Variants in RAPGEF2 observed in about 807,000 individuals in gnomAD.
The protein encoded by RAPGEF2 is PDZ domain containing guanine nucleotide exchange factor (GEF) 1.
A neutral mutation model predicts 186.7 loss-of-function variants in RAPGEF2; 54 were observed. The ratio of observed to expected loss-of-function variants is 0.29; its 90% confidence interval spans 0.23 to 0.36. The LOEUF is 0.36. RAPGEF2 is among the 10% of genes least tolerant of loss of function. The probability of loss-of-function intolerance (pLI) is 1.00; values close to 1 mark genes in which losing one functional copy is unlikely to be tolerated. For synonymous variants in RAPGEF2, 712 were observed against 705.9 expected (o/e 1.01, Z -0.14); for missense variants, 1,532 against 2,045.0 (o/e 0.75, Z 4.84).
At chr4:159,324,653 G>A (rs1168452668) in intron 11 of RAPGEF2, among the ~76,000 whole-genome samples, 3 of 152,064 alleles carry the variant, frequency 2.0e-5, no homozygotes. Context: ...TGACTTGCTA[G>A]TTAAATAATA....
chr4:159,157,572 C>A (rs1317234037), intron 1 of RAPGEF2, among the ~76,000 whole-genome samples: 1 of 152,086 alleles, frequency 6.6e-6, no homozygotes. Flanking sequence ...ATAAGAATGG[C>A]TTTTTAAAAG....
chr4:159,338,925 T>C (rs532219371), intron 18 of RAPGEF2, among the ~76,000 whole-genome samples, 189 bp from the exon 19 acceptor site: 1 of 152,350 alleles, frequency 6.6e-6, no homozygotes, highest in South Asian at 2.1e-4. Context: ...TGTTATCTTT[T>C]AGGGAAAGGT....
intron 1 of RAPGEF2, among the ~76,000 whole-genome samples, chr4:159,168,122 C>A (rs1745519051): frequency 6.6e-6 from 1 of 152,130 alleles, no homozygotes; most frequent in Admixed American, 6.5e-5. Context: ...GGGGTTATTG[C>A]CAGAGTTGTT....
At position 159,225,411 on chromosome 4, in the gene RAPGEF2, T is replaced by G. The variant is rs1015759862; in HGVS notation, c.282-13398T>G. 3.3e-5 allele frequency among the ~76,000 whole-genome samples: 5 copies of G among 152,206 alleles called. No homozygotes were observed. The South Asian group carries it at 6.2e-4, about 19-fold the overall frequency. On this transcript the variant is annotated intron_variant, in intron 4 of 29. Transcript: ENST00000691494. The stretch of plus-strand genomic sequence containing the variant: ...CACAAAACATTAATTTGAAAATGAT[T>G]GAGTTGCTTTCATATTTTGGCTTCT...
chr4:159,348,902 G>A (rs1730783072), intron 25 of RAPGEF2, among the ~76,000 whole-genome samples: 1 of 152,170 alleles, frequency 6.6e-6, no homozygotes, highest in Non-Finnish European at 1.5e-5. Flanking sequence ...CACTACAGGT[G>A]TTCCCCCCAC....
intron 1 of RAPGEF2, among the ~76,000 whole-genome samples, chr4:159,107,190 A>T (rs961067494): frequency 2.0e-5 from 3 of 152,184 alleles, no homozygotes; most frequent in Non-Finnish European, 2.9e-5. Flanking sequence ...CCCTGAAAAC[A>T]TTCTACTGAT....
intron 1 of RAPGEF2, among the ~76,000 whole-genome samples, chr4:159,163,847 C>T (rs1386324852): frequency 6.6e-6 from 1 of 152,132 alleles, no homozygotes; most frequent in African/African-American, 2.4e-5. Context: ...AAAATCACAT[C>T]AGGGGTCTGT....
chr4:159,164,193 G>T (rs537132250), intron 1 of RAPGEF2, among the ~76,000 whole-genome samples: 1 of 151,552 alleles, frequency 6.6e-6, no homozygotes. Context: ...TTTAGTAGAG[G>T]CGGGGTTTCA....
chr4:159,222,946 G>C (rs1751677758), intron 4 of RAPGEF2, among the ~76,000 whole-genome samples: 2 of 151,306 alleles, frequency 1.3e-5, no homozygotes, highest in African/African-American at 4.8e-5. Flanking sequence ...TTGAAGACAA[G>C]AAAATCATAT....
chr4:159,343,456 A>T (rs776270161), intron 22 of RAPGEF2, 52 bp downstream of exon 22: 1 of 1,583,484 alleles, frequency 6.3e-7, no homozygotes, highest in Non-Finnish European at 8.6e-7. Context: ...GGTTAAATTT[A>T]GAGCTTCCCA....
chr4:159,233,408 C>G (rs1318471154), intron 4 of RAPGEF2, among the ~76,000 whole-genome samples: 1 of 152,176 alleles, frequency 6.6e-6, no homozygotes, highest in Admixed American at 6.5e-5. Flanking sequence ...GTTGAAGACT[C>G]TGTTCTTCTC....
chr4:159,290,801 T>A (rs1052225836), intron 7 of RAPGEF2, among the ~76,000 whole-genome samples: 1 of 152,128 alleles, frequency 6.6e-6, no homozygotes, highest in Non-Finnish European at 1.5e-5. Flanking sequence ...TTAGACTTCT[T>A]GCAGTTTATG....
In RAPGEF2 at chr4:159,359,063, T is replaced by A. The variant is rs533804252; in HGVS notation, c.*924T>A. 4 of 152,252 alleles carry A rather than the reference T, an allele frequency of 2.6e-5. No individual in the cohort carries two copies. Among genetic ancestry groups the A allele is most frequent in the Admixed American group, 1.3e-4 (2 of 15,284 alleles). The allele number at this position is 152,252 out of a possible 1,614,324, so 9.4% of individuals were successfully genotyped here. ...GACGGTGTCATTGGCGGATGTGTCC[T>A]GCTCCATTGAGATGGATGGCAAACC... On this transcript the variant is annotated 3_prime_UTR_variant, in exon 30 of 30. Transcript: ENST00000691494.
At chr4:159,330,265 ATGTGTGTGTGTGTGTG>A (rs59463532) in intron 12 of RAPGEF2, 53 bp from the exon 13 acceptor site, 72 of 535,374 alleles carry the variant, frequency 1.3e-4, no homozygotes, top group African/African-American at 1.1e-3. Flanking sequence ...GTATATGTAT[ATGTGTGTGTGTGTGTG>A]TGTGTGTGTG....
At chr4:159,118,799 G>C (rs1394840786) in intron 1 of RAPGEF2, among the ~76,000 whole-genome samples, 1 of 152,084 alleles carries the variant, frequency 6.6e-6, no homozygotes, top group African/African-American at 2.4e-5. Flanking sequence ...TGACCAGACT[G>C]GTCTTGGATT....
chr4:159,222,677 G>T (rs1346456454), intron 4 of RAPGEF2, among the ~76,000 whole-genome samples: 3 of 152,144 alleles, frequency 2.0e-5, no homozygotes, highest in Admixed American at 6.5e-5. Flanking sequence ...GTGAGTTACT[G>T]TTTCACTTGT....
intron 1 of RAPGEF2, among the ~76,000 whole-genome samples, chr4:159,143,699 C>A (rs1299172722): frequency 6.6e-6 from 1 of 152,078 alleles, no homozygotes; most frequent in Non-Finnish European, 1.5e-5. Context: ...AAAGTTGATA[C>A]TTACTGGGGA....
At chr4:159,232,247 G>T (rs1336050633) in intron 4 of RAPGEF2, among the ~76,000 whole-genome samples, 1 of 152,116 alleles carries the variant, frequency 6.6e-6, no homozygotes, top group East Asian at 1.9e-4. Flanking sequence ...AAGCTTTTCT[G>T]TAACTCCAGA....
At chr4:159,149,753 A>C (rs557463214) in intron 1 of RAPGEF2, among the ~76,000 whole-genome samples, 50 of 152,284 alleles carry the variant, frequency 3.3e-4, no homozygotes, top group Admixed American at 5.2e-4. Flanking sequence ...AGTAATTGAG[A>C]CTGTCCAGTC....
Sources: gnomAD v4.1 joint callset for allele counts (sites outside exome capture counted in the v4.1 genomes callset) on GRCh38, gnomAD v4.1.1 for gene constraint, MANE v1.5 for transcripts, NCBI Gene and HGNC (gene_info 2026-07-23, HGNC 2026-07-21) for gene names.